The following IL1RAPL2 variants were observed in gnomAD, a reference collection of about 807,000 sequenced individuals.
IL1RAPL2 encodes interleukin 1 receptor accessory protein like 2, also known as X-linked interleukin-1 receptor accessory protein-like 2.
In IL1RAPL2, 3 loss-of-function variants were observed where a neutral mutation model predicts 44.1. That is an observed-to-expected ratio of 0.07 (90% CI 0.03 to 0.18). IL1RAPL2 has a LOEUF of 0.18. Among genes scored for constraint, IL1RAPL2 ranks in the 10% least tolerant of loss-of-function variants. The pLI is 1.00. For missense variants in IL1RAPL2, 391 were observed against 496.4 expected (o/e 0.79, Z 2.02); for synonymous variants, 181 against 178.8 (o/e 1.01, Z -0.10).
intron 2 of IL1RAPL2, among the ~76,000 whole-genome samples, chrX:104,768,300 C>T (rs1173585445): frequency 1.8e-5 from 2 of 111,522 alleles, no homozygotes; most frequent in Non-Finnish European, 3.8e-5. Context: ...CCTAACTAGT[C>T]TTCCTGCCTC....
intron 2 of IL1RAPL2, among the ~76,000 whole-genome samples, chrX:104,773,073 T>C (rs767442586): frequency 2.5e-4 from 28 of 110,748 alleles, no homozygotes; most frequent in Middle Eastern, 4.6e-3. Flanking sequence ...CCACACCTGG[T>C]TGACTTTTAA....
At chrX:105,363,300 AT>A (rs1427284391) in intron 5 of IL1RAPL2, among the ~76,000 whole-genome samples, 8 of 77,935 alleles carry the variant, frequency 1.0e-4, no homozygotes, top group African/African-American at 7.2e-4. Flanking sequence ...ATATATATAT[AT>A]ATATATAATA....
At chrX:104,656,179 T>C (rs780732002) in intron 1 of IL1RAPL2, among the ~76,000 whole-genome samples, 21 of 111,359 alleles carry the variant, frequency 1.9e-4, no homozygotes, top group Admixed American at 4.8e-4. Flanking sequence ...TCTCCTTTAG[T>C]TCTTCTCTGT....
At chrX:105,430,947 A>G (rs1022601302) in intron 5 of IL1RAPL2, among the ~76,000 whole-genome samples, 1 of 112,004 alleles carries the variant, frequency 8.9e-6, no homozygotes, top group Non-Finnish European at 1.9e-5. Context: ...ACTAAGCACA[A>G]TGTAGTTTCT....
At chrX:105,580,097 A>T (rs1392995415) in intron 6 of IL1RAPL2, among the ~76,000 whole-genome samples, 1 of 111,722 alleles carries the variant, frequency 9.0e-6, no homozygotes, top group Admixed American at 9.6e-5. Flanking sequence ...CACTCAGTAG[A>T]TGTGTTGGTA....
chrX:104,933,115 G>A (rs780360134), intron 2 of IL1RAPL2, among the ~76,000 whole-genome samples: 2 of 111,816 alleles, frequency 1.8e-5, no homozygotes, highest in Non-Finnish European at 3.8e-5. Flanking sequence ...TACAATCAGC[G>A]AACCACTCAT....
chrX:105,209,998 G>C (rs1284953354), intron 3 of IL1RAPL2, among the ~76,000 whole-genome samples: 1 of 110,007 alleles, frequency 9.1e-6, no homozygotes, highest in African/African-American at 3.3e-5. Flanking sequence ...TTTTTATGCA[G>C]CTTGATGATC....
At chrX:105,510,815 A>G (rs2036464113) in intron 6 of IL1RAPL2, among the ~76,000 whole-genome samples, 1 of 111,672 alleles carries the variant, frequency 9.0e-6, no homozygotes, top group Admixed American at 9.5e-5. Context: ...TACCTAGAGT[A>G]TCGAGAAAGG....
intron 2 of IL1RAPL2, among the ~76,000 whole-genome samples, chrX:105,090,522 A>G (rs915987336): frequency 1.8e-5 from 2 of 112,114 alleles, no homozygotes; most frequent in African/African-American, 6.5e-5. Context: ...CAATATAAAT[A>G]ATAGCACATT....
intron 6 of IL1RAPL2, among the ~76,000 whole-genome samples, chrX:105,626,086 A>C (rs2147833117): frequency 9.0e-6 from 1 of 111,683 alleles, no homozygotes; most frequent in East Asian, 2.9e-4. Context: ...TGTATTAGTG[A>C]AGACAATAGA....
chrX:105,447,386 A>AGT (rs2035973384), intron 5 of IL1RAPL2, among the ~76,000 whole-genome samples: 1 of 67,811 alleles, frequency 1.5e-5, no homozygotes, highest in Non-Finnish European at 2.3e-5. Context: ...TAAATATATA[A>AGT]ATATAAATAT....
intron 2 of IL1RAPL2, among the ~76,000 whole-genome samples, chrX:104,933,403 CT>C (rs1924954833): frequency 1.8e-5 from 2 of 111,580 alleles, no homozygotes; most frequent in Admixed American, 1.9e-4. Context: ...ATGGAAAGTA[CT>C]TTTTTAGATA....
intron 7 of IL1RAPL2, among the ~76,000 whole-genome samples, chrX:105,722,901 C>T (rs980830875): frequency 9.0e-6 from 1 of 110,896 alleles, no homozygotes; most frequent in Non-Finnish European, 1.9e-5. Flanking sequence ...AATGAATACC[C>T]TCTGGCTTCC....
intron 2 of IL1RAPL2, among the ~76,000 whole-genome samples, chrX:104,677,415 C>T (rs1050460452): frequency 1.8e-5 from 2 of 111,225 alleles, no homozygotes; most frequent in Non-Finnish European, 3.8e-5. Flanking sequence ...GCTCAGGGTT[C>T]AGGGGTCAGG....
intron 2 of IL1RAPL2, among the ~76,000 whole-genome samples, chrX:104,886,291 T>C (rs1362401334): frequency 8.9e-6 from 1 of 111,922 alleles, no homozygotes; most frequent in African/African-American, 3.2e-5. Flanking sequence ...AAGTTACCCA[T>C]TTGTTGTCCC....
chrX:105,391,448 C>G (rs906045662), intron 5 of IL1RAPL2, among the ~76,000 whole-genome samples: 1 of 100,874 alleles, frequency 9.9e-6, no homozygotes, highest in Non-Finnish European at 2.0e-5. Flanking sequence ...CAATGAGATA[C>G]CATCTCACAC....
chrX:105,436,739 C>T lies in IL1RAPL2; in HGVS notation c.698-47574C>T, dbSNP rs757197862. On this transcript the variant is annotated intron_variant, in intron 5 of 10. Transcript: ENST00000372582. Reference sequence around the variant, plus strand: ...AAAGGAGTTGGTAGGGATAAAGAGTCAGAACAGCCTCCATTACATTACTGA... The same window carrying T: ...AAAGGAGTTGGTAGGGATAAAGAGTTAGAACAGCCTCCATTACATTACTGA... Among the ~76,000 whole-genome samples, 3 of 110,535 alleles carry T rather than the reference C, an allele frequency of 2.7e-5. No individual in the cohort carries two copies. The East Asian group carries it at 8.6e-4, about 32-fold the overall frequency.
At chrX:105,613,399 G>A (rs745671119) in intron 6 of IL1RAPL2, among the ~76,000 whole-genome samples, 41 of 112,183 alleles carry the variant, frequency 3.7e-4, no homozygotes, top group Non-Finnish European at 5.8e-4. Flanking sequence ...CAGCATATTC[G>A]CAGCTGGGGT....
chrX:104,853,519 A>G (rs925246067), intron 2 of IL1RAPL2, among the ~76,000 whole-genome samples: 1 of 111,320 alleles, frequency 9.0e-6, no homozygotes, highest in Non-Finnish European at 1.9e-5. Flanking sequence ...AGGTTACAGG[A>G]TGAAAAACCT....
Sources: allele counts gnomAD v4.1 joint callset (sites outside exome capture counted in the v4.1 genomes callset), GRCh38; gene constraint gnomAD v4.1.1; transcripts MANE v1.5; gene names NCBI Gene and HGNC (gene_info 2026-07-23, HGNC 2026-07-21).